PLEKHA2: variants seen among roughly 807,000 people sequenced by gnomAD.
PLEKHA2 encodes pleckstrin homology domain-containing family A member 2.
Under a neutral mutation model 53.2 loss-of-function variants are expected in PLEKHA2, and 28 were observed. The ratio of observed to expected loss-of-function variants is 0.53; its 90% CI spans 0.39 to 0.72. The LOEUF is 0.72. Ranked by LOEUF, PLEKHA2 falls within the 30% of genes least tolerant of loss-of-function variation. PLEKHA2 has a pLI of 0.00. For missense variants in PLEKHA2, 426 were observed against 537.9 expected, an observed-to-expected ratio of 0.79 and a Z score of 2.06; for synonymous variants, 193 against 196.4, an observed-to-expected ratio of 0.98 and a Z score of 0.14.
In PLEKHA2 at chr8:38,953,427, C is replaced by G. The variant is rs1834882993; in HGVS notation, c.773+60C>G. On this transcript the variant is annotated intron_variant, in intron 9 of 11. Transcript: ENST00000617275. ...CCTCCATTTGTCCTCTTAAATCTCC[C>G]TTTACTACCCTTCAGAGACTCTATG... The G allele has an allele frequency of 4.9e-6, 7 of 1,429,764 alleles. No homozygotes were observed. The South Asian group carries it at 6.9e-5, about 14-fold the overall frequency. 88.6% of individuals were successfully genotyped at this position (1,429,764 alleles called of 1,614,324 possible).
chr8:38,933,790 A>AAAAAAAAAAAAAG (rs71216697), intron 2 of PLEKHA2, among the ~76,000 whole-genome samples: 5 of 90,650 alleles, frequency 5.5e-5, no homozygotes, highest in Admixed American at 1.2e-4. Flanking sequence ...AAAAAAAAAA[A>AAAAAAAAAAAAAG]AAAAGAAAAG....
chr8:38,930,707 C>CCT (rs1184264116), intron 2 of PLEKHA2, among the ~76,000 whole-genome samples: 3 of 152,184 alleles, frequency 2.0e-5, no homozygotes, highest in Admixed American at 6.5e-5. Flanking sequence ...ATTCCCTCTT[C>CCT]CTCTCTCTCT....
intron 2 of PLEKHA2, among the ~76,000 whole-genome samples, chr8:38,930,218 T>TTTATTTA (rs1834365032): frequency 7.6e-6 from 1 of 132,316 alleles, no homozygotes; most frequent in Non-Finnish European, 1.7e-5. Flanking sequence ...TTATTTATTT[T>TTTATTTA]TGAGATGGAG....
chr8:38,927,054 A>C (rs1216983872), intron 2 of PLEKHA2, among the ~76,000 whole-genome samples: 1 of 152,268 alleles, frequency 6.6e-6, no homozygotes, highest in African/African-American at 2.4e-5. Flanking sequence ...CAGAGGTTAA[A>C]TAACTATTGC....
intron 11 of PLEKHA2, 91 bp from the exon 12 acceptor site, chr8:38,969,324 GTGATCC>G (rs1414343887): frequency 8.6e-6 from 12 of 1,401,182 alleles, no homozygotes; most frequent in Non-Finnish European, 1.2e-5. Context: ...TTATGAGGTG[GTGATCC>G]TGGTTGGGTA....
intron 10 of PLEKHA2, among the ~76,000 whole-genome samples, chr8:38,957,605 A>G (rs530542767): frequency 1.9e-4 from 29 of 152,316 alleles, no homozygotes; most frequent in African/African-American, 6.7e-4. Flanking sequence ...GAGCCGCTCT[A>G]CTGAGGAATG....
intron 2 of PLEKHA2, among the ~76,000 whole-genome samples, chr8:38,920,475 A>G (rs1362741422): frequency 6.7e-6 from 1 of 149,134 alleles, no homozygotes; most frequent in Admixed American, 6.7e-5. Flanking sequence ...AGGTTTTACC[A>G]TGTTGGCCAG....
chr8:38,941,794 A>T (rs72638514), intron 3 of PLEKHA2, among the ~76,000 whole-genome samples: 8,938 of 152,304 alleles, frequency 0.059, 315 homozygotes, highest in East Asian at 0.14. Flanking sequence ...CGATATTATG[A>T]TCCCTTATTT....
intron 1 of PLEKHA2, among the ~76,000 whole-genome samples, chr8:38,907,082 G>A (rs1434471949): frequency 6.6e-6 from 1 of 152,164 alleles, no homozygotes; most frequent in African/African-American, 2.4e-5. Context: ...TGCCCTGGTA[G>A]GGGTAACAGG....
intron 1 of PLEKHA2, among the ~76,000 whole-genome samples, chr8:38,914,020 A>T (rs1728479304): frequency 2.6e-5 from 4 of 152,150 alleles, no homozygotes; most frequent in Admixed American, 2.6e-4. Context: ...GCTGCAACAC[A>T]TCCTTTTCTG....
intron 2 of PLEKHA2, among the ~76,000 whole-genome samples, chr8:38,928,236 C>CTTTTTTTTTTTTTTTTTTTTTTTTTTT (rs11414317): frequency 1.8e-5 from 2 of 110,130 alleles, no homozygotes; most frequent in South Asian, 3.2e-4. Flanking sequence ...CTGACCTGGT[C>CTTTTTTTTTTTTTTTTTTTTTTTTTTT]TTTTTTTTTT....
intron 1 of PLEKHA2, among the ~76,000 whole-genome samples, chr8:38,902,614 C>A (rs2010445): frequency 0.69 from 105,554 of 151,968 alleles, 36,807 homozygotes; most frequent in Admixed American, 0.75. Flanking sequence ...TGTTCTTAAT[C>A]TATCTGACCA....
intron 2 of PLEKHA2, among the ~76,000 whole-genome samples, chr8:38,933,790 A>AAAAAAAAAAAAAAAAAAAAAAAGAAAAG (rs71216697): frequency 3.3e-5 from 3 of 90,660 alleles, no homozygotes; most frequent in Non-Finnish European, 7.3e-5. Context: ...AAAAAAAAAA[A>AAAAAAAAAAAAAAAAAAAAAAAGAAAAG]AAAAGAAAAG....
At chr8:38,949,637 G>A (rs956861864) in intron 5 of PLEKHA2, among the ~76,000 whole-genome samples, 4 of 152,212 alleles carry the variant, frequency 2.6e-5, no homozygotes, top group African/African-American at 9.7e-5. Flanking sequence ...TCTCTGTCAA[G>A]GAAGAGCAAA....
chr8:38,908,705 T>C (rs1833914177), intron 1 of PLEKHA2, among the ~76,000 whole-genome samples: 1 of 152,240 alleles, frequency 6.6e-6, no homozygotes, highest in Non-Finnish European at 1.5e-5. Context: ...ATTTGGATGA[T>C]TGAGATCATA....
intron 1 of PLEKHA2, among the ~76,000 whole-genome samples, chr8:38,904,751 T>C (rs1211955190): frequency 6.6e-6 from 1 of 152,222 alleles, no homozygotes; most frequent in Non-Finnish European, 1.5e-5. Context: ...CGCAGCTTTT[T>C]CATTGACATT....
At chr8:38,948,470 G>T (rs547235116) in intron 5 of PLEKHA2, among the ~76,000 whole-genome samples, 1 of 152,332 alleles carries the variant, frequency 6.6e-6, no homozygotes, top group African/African-American at 2.4e-5. Context: ...AACTGTAACT[G>T]CTGGTATCTC....
chr8:38,918,836 T>C (rs935117904), intron 2 of PLEKHA2, among the ~76,000 whole-genome samples: 1 of 152,074 alleles, frequency 6.6e-6, no homozygotes, highest in African/African-American at 2.4e-5. Flanking sequence ...GAAAACCATC[T>C]CAGATCTTAG....
chr8:38,962,645 T>C (rs1363432527), intron 10 of PLEKHA2, among the ~76,000 whole-genome samples: 2 of 152,260 alleles, frequency 1.3e-5, no homozygotes, highest in African/African-American at 4.8e-5. Flanking sequence ...AGGTCACCAT[T>C]TCCCCATTTC....
Sources: allele counts gnomAD v4.1 joint callset (sites outside exome capture counted in the v4.1 genomes callset), GRCh38; gene constraint gnomAD v4.1.1; transcripts MANE v1.5; gene names NCBI Gene and HGNC (gene_info 2026-07-23, HGNC 2026-07-21).